Variants in DRG1 observed in about 807,000 individuals in gnomAD.
DRG1 encodes the protein developmentally-regulated GTP-binding protein 1.
DRG1 carries 19 observed loss-of-function variants against 38.8 expected under a neutral mutation model. That is an observed-to-expected ratio of 0.49 (90% CI 0.34 to 0.72). The LOEUF (loss-of-function observed/expected upper bound fraction) is 0.72, where lower values mean the gene tolerates loss of function less well. Among genes scored for constraint, DRG1 ranks in the 30% least tolerant of loss-of-function variants. DRG1 has a pLI of 0.01. For missense variants in DRG1, 299 were observed against 444.8 expected (o/e 0.67, Z 2.95); for synonymous variants, 167 against 157.5 (o/e 1.06, Z -0.45).
chr22:31,414,983 T>G (rs1209200736), intron 4 of DRG1, among the ~76,000 whole-genome samples: 1 of 152,006 alleles, frequency 6.6e-6, no homozygotes, highest in Non-Finnish European at 1.5e-5. Context: ...ACTATGTTGT[T>G]CAGGGTGGTC....
chr22:31,402,888 A>T, intron 2 of DRG1, 141 bp from the exon 3 acceptor site: 2 of 877,102 alleles, frequency 2.3e-6, no homozygotes, highest in Non-Finnish European at 3.4e-6. Context: ...TGTGTGCTTT[A>T]GTTCTCCTTT....
chr22:31,425,769 T>G (rs1197806044), intron 6 of DRG1, among the ~76,000 whole-genome samples: 1 of 152,194 alleles, frequency 6.6e-6, no homozygotes, highest in African/African-American at 2.4e-5. Context: ...TTTAATAAGT[T>G]AAGTCACTGT....
chr22:31,428,175 A>G (rs1287111288), intron 8 of DRG1, among the ~76,000 whole-genome samples: 1 of 151,302 alleles, frequency 6.6e-6, no homozygotes, highest in Non-Finnish European at 1.5e-5. Context: ...TTTTGAACTT[A>G]TTTTAGACCA....
At chr22:31,433,726 C>T (rs2050155389) in intron 8 of DRG1, 146 bp from the exon 9 acceptor site, 1 of 605,790 alleles carries the variant, frequency 1.7e-6, no homozygotes, top group East Asian at 3.0e-5. Context: ...TTCAGTGTCT[C>T]ATGCTGCTAG....
intron 1 of DRG1, among the ~76,000 whole-genome samples, chr22:31,400,010 C>A (rs755920819): frequency 6.6e-6 from 1 of 152,126 alleles, no homozygotes; most frequent in Non-Finnish European, 1.5e-5. Context: ...GTTCCCCCTC[C>A]CAGTGTTTGG....
intron 4 of DRG1, 70 bp from the exon 5 acceptor site, chr22:31,420,186 C>T: frequency 6.5e-7 from 1 of 1,546,022 alleles, no homozygotes; most frequent in East Asian, 2.3e-5. Context: ...AAAAACACCT[C>T]TACTTGAGTA....
rs2049955247 is a variant in DRG1 at position 31,400,545 on chromosome 22, GAAA to G, written c.43-70_43-68del. 199 of 1,576,866 alleles carry G rather than the reference GAAA, an allele frequency of 1.3e-4. No homozygotes were observed. In the South Asian group the frequency reaches 2.1e-3, roughly 17 times the overall value. ...TGTGCTAACATTAGTAGGACTTGGGGAAAAAAATTATCCTCTCAAAGCTGGGGG... is the reference window on the plus strand; with the variant it reads ...TGTGCTAACATTAGTAGGACTTGGGGAAAATTATCCTCTCAAAGCTGGGGG... On this transcript the variant is annotated intron_variant, in intron 1 of 8. Transcript: ENST00000331457.
chr22:31,403,770 C>T (rs1350324782), intron 3 of DRG1, among the ~76,000 whole-genome samples: 6 of 151,966 alleles, frequency 3.9e-5, no homozygotes, highest in African/African-American at 7.2e-5. Context: ...TGTGAGCCAC[C>T]GCGCCCGGCC....
At chr22:31,428,493 G>A (rs914665198) in intron 8 of DRG1, among the ~76,000 whole-genome samples, 27 of 152,180 alleles carry the variant, frequency 1.8e-4, no homozygotes, top group South Asian at 4.1e-4. Flanking sequence ...GATTACAGGC[G>A]TGAGCCACTG....
At chr22:31,410,706 T>G (rs2050013684) in intron 3 of DRG1, among the ~76,000 whole-genome samples, 1 of 151,996 alleles carries the variant, frequency 6.6e-6, no homozygotes, top group African/African-American at 2.4e-5. Context: ...TCCCAGCTAC[T>G]TGAGAGGCTG....
intron 2 of DRG1, among the ~76,000 whole-genome samples, chr22:31,402,472 G>T: frequency 6.7e-6 from 1 of 149,428 alleles, no homozygotes. Flanking sequence ...CTCTATTTTT[G>T]GATCATTTTT....
At chr22:31,416,356 A>G (rs927789805) in intron 4 of DRG1, among the ~76,000 whole-genome samples, 1 of 152,150 alleles carries the variant, frequency 6.6e-6, no homozygotes, top group African/African-American at 2.4e-5. Flanking sequence ...ATTATTTGGG[A>G]TGAGACCCAA....
chr22:31,402,298 A>C (rs144009250), intron 2 of DRG1, among the ~76,000 whole-genome samples: 607 of 152,162 alleles, frequency 4.0e-3, no homozygotes, highest in African/African-American at 0.013. Context: ...AAAAAGAAAA[A>C]AGAAAAAAAG....
intron 8 of DRG1, among the ~76,000 whole-genome samples, chr22:31,429,273 C>T (rs948282300): frequency 2.0e-4 from 31 of 151,834 alleles, no homozygotes; most frequent in Admixed American, 1.4e-3. Context: ...CGTGTGCCAC[C>T]GTGCCCGGCT....
At chr22:31,406,730 C>A (rs957127499) in intron 3 of DRG1, among the ~76,000 whole-genome samples, 24 of 152,100 alleles carry the variant, frequency 1.6e-4, no homozygotes, top group African/African-American at 5.8e-4. Context: ...TATCACTTGC[C>A]TGCTTCTCCT....
chr22:31,425,722 T>C (rs2050106227), intron 6 of DRG1, among the ~76,000 whole-genome samples: 1 of 152,232 alleles, frequency 6.6e-6, no homozygotes, highest in African/African-American at 2.4e-5. Context: ...ATTATAGGCA[T>C]AAGCCACTAT....
At chr22:31,406,217 G>C (rs1167063430) in intron 3 of DRG1, among the ~76,000 whole-genome samples, 1 of 151,878 alleles carries the variant, frequency 6.6e-6, no homozygotes, top group African/African-American at 2.4e-5. Context: ...GGCCAGGCTG[G>C]TCTTGAACTC....
rs569919502 is a variant in DRG1 at position 31,419,200 on chromosome 22, G to A, written c.413-1056G>A. On this transcript the variant is annotated intron_variant, in intron 4 of 8. Coordinates refer to ENST00000331457, the MANE Select transcript of DRG1 (RefSeq NM_004147.4). ...TGCCTGCAGTCTCGGCAGTTTGGGA[G>A]ACCAAGGCAGGAGGATTGCTTGAGG... Among the ~76,000 whole-genome samples the A allele has an allele frequency of 2.6e-4, 39 of 152,220 alleles. No homozygotes were observed. In the South Asian group the frequency reaches 8.1e-3, roughly 32 times the overall value.
chr22:31,431,289 C>G (rs1039321614), intron 8 of DRG1, among the ~76,000 whole-genome samples: 1 of 151,992 alleles, frequency 6.6e-6, no homozygotes, highest in African/African-American at 2.4e-5. Flanking sequence ...CCACCTCGGC[C>G]CCCCAAAGTG....
Sources: allele counts gnomAD v4.1 joint callset (sites outside exome capture counted in the v4.1 genomes callset), GRCh38; gene constraint gnomAD v4.1.1; transcripts MANE v1.5; gene names NCBI Gene and HGNC (gene_info 2026-07-23, HGNC 2026-07-21).